Variants in PANX1 observed in about 807,000 individuals in gnomAD.
The protein encoded by PANX1 is pannexin-1.
Under a neutral mutation model 38.7 loss-of-function variants are expected in PANX1, and 30 were observed. That is an observed-to-expected ratio of 0.78 (90% CI 0.58 to 1.05). The LOEUF (loss-of-function observed/expected upper bound fraction) is 1.05. PANX1 is among the 50% of genes least tolerant of loss of function. The pLI is 0.00. For synonymous variants in PANX1, 230 were observed against 212.2 expected (o/e 1.08, Z -0.73); for missense variants, 551 against 517.2 (o/e 1.07, Z -0.63).
At chr11:94,172,949 G>A (rs375933503) in intron 2 of PANX1, among the ~76,000 whole-genome samples, 2 of 151,728 alleles carry the variant, frequency 1.3e-5, no homozygotes, top group South Asian at 2.1e-4. Flanking sequence ...ATGTCACCCA[G>A]TGCAAACCAC....
At chr11:94,155,051 C>G (rs958684171) in intron 2 of PANX1, among the ~76,000 whole-genome samples, 2 of 151,944 alleles carry the variant, frequency 1.3e-5, no homozygotes, top group African/African-American at 4.8e-5. Context: ...ACTAAAAATA[C>G]AAAAATTAAC....
At chr11:94,149,033 A>G (rs543318436) in intron 1 of PANX1, among the ~76,000 whole-genome samples, 1 of 152,132 alleles carries the variant, frequency 6.6e-6, no homozygotes, top group Non-Finnish European at 1.5e-5. Context: ...TCACCTTTAA[A>G]ATAGGGGTGA....
chr11:94,159,178 G>C (rs573252099), intron 2 of PANX1, among the ~76,000 whole-genome samples: 1 of 151,956 alleles, frequency 6.6e-6, no homozygotes, highest in African/African-American at 2.4e-5. Flanking sequence ...TTTTTGCGTC[G>C]ATGTTCATCA....
intron 2 of PANX1, among the ~76,000 whole-genome samples, chr11:94,158,548 T>C (rs1009954604): frequency 1.3e-5 from 2 of 151,972 alleles, no homozygotes; most frequent in Admixed American, 6.6e-5. Flanking sequence ...GGCTCTCTGT[T>C]TGTCTGTTAT....
Position 94,129,726 on chromosome 11 carries a change from C to T in PANX1, c.181+233C>T, listed in dbSNP as rs562794858. ...TCCTCAGTTCTTTTGTTCCTCATGC[C>T]CCTCTGATCGGACTGTGGCTTATAG... On this transcript the variant is annotated intron_variant, in intron 1 of 4. Transcript: ENST00000227638. Among the ~76,000 whole-genome samples, 18 of 152,258 alleles carry T rather than the reference C, an allele frequency of 1.2e-4. No individual in the cohort carries two copies. The South Asian group carries it at 3.7e-3, about 32-fold the overall frequency.
At chr11:94,153,917 G>A (rs1485025644) in intron 2 of PANX1, among the ~76,000 whole-genome samples, 3 of 152,346 alleles carry the variant, frequency 2.0e-5, no homozygotes, top group Non-Finnish European at 2.9e-5. Flanking sequence ...CCAGCAGGAT[G>A]TCTGGCCCGT....
chr11:94,180,894 T>G lies in PANX1; in HGVS notation c.*25T>G. 1.5e-6 allele frequency: 2 copies of G among 1,311,930 alleles called. No individual in the cohort carries two copies. The highest frequency in any genetic ancestry group is 2.2e-6 in the Non-Finnish European group (2 of 904,506). The allele number at this position is 1,311,930 out of a possible 1,614,324, so 81.3% of individuals were successfully genotyped here. On this transcript the variant is annotated 3_prime_UTR_variant, in exon 5 of 5. Transcript: ENST00000227638. ...ATGATTTTTTTCCTTGAGCTGTAAA[T>G]CTGTGACTTCTGCGACATGGGATTT...
chr11:94,178,789 C>G (rs370665958), intron 3 of PANX1, among the ~76,000 whole-genome samples, 197 bp downstream of exon 3: 1 of 152,158 alleles, frequency 6.6e-6, no homozygotes, highest in South Asian at 2.1e-4. Flanking sequence ...ACCCATCCTA[C>G]CCATTTGTTT....
chr11:94,154,705 C>T (rs1946926090), intron 2 of PANX1, among the ~76,000 whole-genome samples: 1 of 152,132 alleles, frequency 6.6e-6, no homozygotes, highest in Admixed American at 6.5e-5. Flanking sequence ...TGGTCCCCTG[C>T]ACAGTCAAAA....
At chr11:94,155,818 T>G (rs1028766321) in intron 2 of PANX1, among the ~76,000 whole-genome samples, 1 of 152,206 alleles carries the variant, frequency 6.6e-6, no homozygotes, top group Non-Finnish European at 1.5e-5. Flanking sequence ...TTTCTCCTTT[T>G]AGGTTGGGCT....
chr11:94,136,319 CA>C (rs1434830744), intron 1 of PANX1, among the ~76,000 whole-genome samples: 4 of 152,286 alleles, frequency 2.6e-5, no homozygotes, highest in East Asian at 1.9e-4. Flanking sequence ...GGGCCTCCTT[CA>C]GGGGGTAGAA....
intron 2 of PANX1, among the ~76,000 whole-genome samples, chr11:94,165,331 A>T (rs560002100): frequency 1.3e-5 from 2 of 148,594 alleles, no homozygotes; most frequent in South Asian, 4.2e-4. Flanking sequence ...ATTTTTATTT[A>T]TTTTTTTTAA....
intron 2 of PANX1, among the ~76,000 whole-genome samples, chr11:94,160,366 C>A (rs956863948): frequency 6.6e-6 from 1 of 152,126 alleles, no homozygotes; most frequent in Non-Finnish European, 1.5e-5. Context: ...GTCTAAGTCT[C>A]TTTGTAGGTC....
chr11:94,170,636 C>A (rs565075801), intron 2 of PANX1, among the ~76,000 whole-genome samples: 2 of 151,736 alleles, frequency 1.3e-5, no homozygotes. Flanking sequence ...AGACTCGGGA[C>A]TGTTAAGCTG....
intron 2 of PANX1, among the ~76,000 whole-genome samples, chr11:94,154,280 G>A (rs1946921263): frequency 6.6e-6 from 1 of 152,186 alleles, no homozygotes; most frequent in Admixed American, 6.5e-5. Flanking sequence ...TCTGTAGTCA[G>A]GGAAGTGGTG....
intron 2 of PANX1, among the ~76,000 whole-genome samples, chr11:94,155,125 C>G (rs374415560): frequency 6.6e-6 from 1 of 151,886 alleles, no homozygotes; most frequent in Non-Finnish European, 1.5e-5. Flanking sequence ...CCGAGGCAAG[C>G]GGATCACTTG....
rs72253125 is a variant in PANX1 at position 94,129,088 on chromosome 11, TCCCGCCCCGC to T, written c.-213_-204del. The T allele has an allele frequency of 9.8e-6, 4 of 409,124 alleles. No homozygotes were observed. Among genetic ancestry groups the T allele is most frequent in the South Asian group, 4.8e-5 (1 of 20,830 alleles). The allele number at this position is 409,124 out of a possible 1,614,324, so 25.3% of individuals were successfully genotyped here. On this transcript the variant is annotated 5_prime_UTR_variant, in exon 1 of 5. The change abolishes the stop of an existing upstream ORF in the 5' untranslated region. Transcript: ENST00000227638. ...ACCGCAGGAAGCGGAGCTCTCGGGT[TCCCGCCCCGC>T]CCCGCCCCGCCGGCGGCGGAGGCAG...
At chr11:94,174,654 C>T (rs945692789) in intron 2 of PANX1, among the ~76,000 whole-genome samples, 7 of 151,578 alleles carry the variant, frequency 4.6e-5, no homozygotes, top group South Asian at 2.1e-4. Context: ...CTGTGGGGGC[C>T]GTGCATCCAG....
chr11:94,135,000 G>A (rs1448828060), intron 1 of PANX1, among the ~76,000 whole-genome samples: 8 of 152,208 alleles, frequency 5.3e-5, no homozygotes, highest in Non-Finnish European at 1.0e-4. Context: ...GGCCTCCTGT[G>A]CCCTGCGCTT....
Sources: gnomAD v4.1 joint callset for allele counts (sites outside exome capture counted in the v4.1 genomes callset) on GRCh38, gnomAD v4.1.1 for gene constraint, MANE v1.5 for transcripts, NCBI Gene and HGNC (gene_info 2026-07-23, HGNC 2026-07-21) for gene names.